SMC6: variants seen among roughly 807,000 people sequenced by gnomAD.
SMC6 encodes the protein structural maintenance of chromosomes protein 6.
SMC6 carries 79 observed loss-of-function variants against 142.2 expected under a neutral mutation model. That is an observed-to-expected ratio of 0.56 (90% confidence interval 0.46 to 0.67). The LOEUF (loss-of-function observed/expected upper bound fraction) is 0.67, where lower values mean the gene tolerates loss of function less well. SMC6 is among the 30% of genes least tolerant of loss of function. The pLI is 0.00. For synonymous variants in SMC6, 411 were observed against 412.4 expected (o/e 1.00, Z 0.04); for missense variants, 1,072 against 1,284.0 (o/e 0.83, Z 2.52).
intron 23 of SMC6, among the ~76,000 whole-genome samples, chr2:17,688,267 G>A (rs184794060): frequency 2.1e-4 from 31 of 149,008 alleles, no homozygotes; most frequent in Non-Finnish European, 2.8e-4. Context: ...GTCAGGTATA[G>A]AATGAGCTTG....
chr2:17,715,794 TG>T (rs1669055549), intron 15 of SMC6, among the ~76,000 whole-genome samples: 1 of 152,182 alleles, frequency 6.6e-6, no homozygotes, highest in African/African-American at 2.4e-5. Flanking sequence ...TTGATGTTAC[TG>T]GTTTTTTCTG....
chr2:17,753,119 A>T (rs923186950), intron 1 of SMC6, 55 bp from the exon 2 acceptor site: 59 of 636,846 alleles, frequency 9.3e-5, no homozygotes, highest in Admixed American at 1.3e-4. Context: ...ACACATGTTA[A>T]TTTTTCTAGG....
At chr2:17,744,075 A>C (rs546773150) in intron 3 of SMC6, among the ~76,000 whole-genome samples, 1 of 152,256 alleles carries the variant, frequency 6.6e-6, no homozygotes, top group African/African-American at 2.4e-5. Flanking sequence ...TAAGTTTTCA[A>C]CTCCTTTGGG....
chr2:17,726,320 A>G, intron 8 of SMC6, 69 bp downstream of exon 8: 5 of 1,193,360 alleles, frequency 4.2e-6, no homozygotes, highest in Non-Finnish European at 5.9e-6. Context: ...TGTGAGCAAT[A>G]ATATTGTTTA....
At chr2:17,731,590 A>T (rs1321490523) in intron 6 of SMC6, 151 bp downstream of exon 6, 4 of 701,658 alleles carry the variant, frequency 5.7e-6, no homozygotes, top group Non-Finnish European at 9.3e-6. Flanking sequence ...CATGTGTAAC[A>T]TATGCACGTG....
chr2:17,665,409 CCA>C lies in SMC6; in HGVS notation c.*88_*89del. 1.5e-6 allele frequency: 1 copy of C among 658,942 alleles called. No homozygotes were observed. The highest frequency in any genetic ancestry group is 2.4e-6 in the Non-Finnish European group (1 of 416,828). 40.8% of individuals were successfully genotyped at this position (658,942 alleles called of 1,614,324 possible). A position where few individuals can be genotyped will look rare whatever the true frequency, so the allele number is the denominator to read the frequency against. ...GAGTTTCTTTCATTTCAGAATGCCT[CCA>C]GTCTCATTTTATTATATCAAAGAGT... On this transcript the variant is annotated 3_prime_UTR_variant, in exon 28 of 28. Coordinates refer to ENST00000448223, the MANE Select transcript of SMC6 (RefSeq NM_001142286.2).
In SMC6 at chr2:17,718,239, A is replaced by T. The variant is rs1669199310; in HGVS notation, c.946-16T>A. 6.5e-7 allele frequency: 1 copy of T among 1,549,958 alleles called. No homozygotes were observed. The highest frequency in any genetic ancestry group is 8.7e-7 in the Non-Finnish European group (1 of 1,146,966). ...TAAGTCTGACCTTTAAGAAAATAAC[A>T]TTATTGAAGTATATTTTTTCTTCAA... On this transcript the variant is annotated splice_polypyrimidine_tract_variant and intron_variant, in intron 11 of 27. Coordinates refer to ENST00000448223, the MANE Select transcript of SMC6 (RefSeq NM_001142286.2).
At chr2:17,671,718 A>G (rs1189313343) in intron 25 of SMC6, among the ~76,000 whole-genome samples, 1 of 151,772 alleles carries the variant, frequency 6.6e-6, no homozygotes, top group Non-Finnish European at 1.5e-5. Flanking sequence ...AAAGCTAAAT[A>G]AAATCTTTAA....
At chr2:17,696,152 C>T in intron 22 of SMC6, 137 bp downstream of exon 22, 2 of 1,086,738 alleles carry the variant, frequency 1.8e-6, no homozygotes, top group East Asian at 2.7e-5. Flanking sequence ...TTGATTCACC[C>T]AAACACCTAT....
chr2:17,738,435 A>T, intron 4 of SMC6, 109 bp from the exon 5 acceptor site: 1 of 623,798 alleles, frequency 1.6e-6, no homozygotes, highest in Admixed American at 3.6e-5. Context: ...CTTTAAAATA[A>T]AATGTTAAAA....
chr2:17,746,170 C>T, intron 2 of SMC6: 1 of 421,882 alleles, frequency 2.4e-6, no homozygotes, highest in Middle Eastern at 6.6e-4. Flanking sequence ...CCCCTAGAGG[C>T]CCTAAAACAG....
intron 26 of SMC6, among the ~76,000 whole-genome samples, chr2:17,669,974 A>G (rs17315242): frequency 0.11 from 16,219 of 152,272 alleles, 1,144 homozygotes; most frequent in Non-Finnish European, 0.16. Context: ...TGGAAATTCA[A>G]AAGTTCTTGC....
chr2:17,715,790 T>C (rs935329735), intron 15 of SMC6, among the ~76,000 whole-genome samples: 74 of 152,252 alleles, frequency 4.9e-4, no homozygotes, highest in African/African-American at 1.4e-3. Flanking sequence ...TATCTTGATG[T>C]TACTGGTTTT....
intron 3 of SMC6, among the ~76,000 whole-genome samples, chr2:17,745,272 T>C (rs1376282685): frequency 6.6e-6 from 1 of 150,630 alleles, no homozygotes; most frequent in Non-Finnish European, 1.5e-5. Flanking sequence ...TAGATTCATG[T>C]TAATTCTTCT....
At chr2:17,679,233 C>T (rs1331255939) in intron 24 of SMC6, 1 of 311,146 alleles carries the variant, frequency 3.2e-6, no homozygotes, top group Non-Finnish European at 5.9e-6. Context: ...TTAATATAAC[C>T]CATTATACCA....
intron 26 of SMC6, among the ~76,000 whole-genome samples, chr2:17,667,184 T>C (rs185233930): frequency 3.3e-5 from 5 of 152,282 alleles, no homozygotes; most frequent in Admixed American, 3.3e-4. Context: ...TGAGTCAGGG[T>C]AATGGTAACA....
intron 25 of SMC6, among the ~76,000 whole-genome samples, chr2:17,675,456 C>T (rs1666956619): frequency 6.6e-6 from 1 of 152,040 alleles, no homozygotes; most frequent in South Asian, 2.1e-4. Context: ...TCTGTTCCTT[C>T]TGCATTTCCA....
At chr2:17,712,310 G>A (rs946069750) in intron 16 of SMC6, among the ~76,000 whole-genome samples, 30 of 152,166 alleles carry the variant, frequency 2.0e-4, no homozygotes, top group African/African-American at 6.8e-4. Flanking sequence ...TTAAAACAGA[G>A]AGAAAATTTA....
intron 11 of SMC6, among the ~76,000 whole-genome samples, chr2:17,719,414 G>A (rs112500160): frequency 6.6e-6 from 1 of 152,118 alleles, no homozygotes; most frequent in African/African-American, 2.4e-5. Context: ...AGGATATAAA[G>A]ATAAAATAAG....
Sources: gnomAD v4.1 joint callset for allele counts (sites outside exome capture counted in the v4.1 genomes callset) on GRCh38, gnomAD v4.1.1 for gene constraint, MANE v1.5 for transcripts, NCBI Gene and HGNC (gene_info 2026-07-23, HGNC 2026-07-21) for gene names.